The following PIEZO2 variants were observed in gnomAD, a reference collection of about 807,000 sequenced individuals.
PIEZO2 encodes the protein piezo type mechanosensitive ion channel component 2, also known as piezo-type mechanosensitive ion channel component 2.
PIEZO2 carries 172 observed loss-of-function variants against 337.3 expected under a neutral mutation model. The ratio of observed to expected loss-of-function variants is 0.51; its 90% CI spans 0.45 to 0.58. PIEZO2 has a LOEUF of 0.58. Among genes scored for constraint, PIEZO2 ranks in the 20% least tolerant of loss-of-function variants. PIEZO2 has a pLI of 0.00. For missense variants in PIEZO2, 3,028 were observed against 3,391.3 expected (o/e 0.89, Z 2.66); for synonymous variants, 1,251 against 1,228.5 (o/e 1.02, Z -0.38).
chr18:11,115,592 C>A (rs2039864723), intron 1 of PIEZO2, among the ~76,000 whole-genome samples: 1 of 152,086 alleles, frequency 6.6e-6, no homozygotes, highest in Non-Finnish European at 1.5e-5. Flanking sequence ...GAGAAGAATG[C>A]AGAATTTCAC....
intron 13 of PIEZO2, chr18:10,791,529 T>C (rs1364594496): frequency 1.6e-5 from 7 of 437,862 alleles, no homozygotes; most frequent in African/African-American, 4.2e-5. Flanking sequence ...CATGTTTGTG[T>C]TGGGTGCCAG....
At chr18:10,689,618 A>G in intron 49 of PIEZO2, 37 bp downstream of exon 49, 1 of 1,613,702 alleles carries the variant, frequency 6.2e-7, no homozygotes, top group Non-Finnish European at 8.5e-7. Context: ...ATCTAAGAGA[A>G]GCAGACAGGA....
In PIEZO2 at chr18:10,903,891, C is replaced by T. The variant is rs1322295036; in HGVS notation, c.329+7295G>A. Reference sequence around the variant, plus strand: ...GACAACTCCCATCCCTGTCCCCCAACTATGCAGCCAGGCCTTGCCTCAACC... The same window carrying T: ...GACAACTCCCATCCCTGTCCCCCAATTATGCAGCCAGGCCTTGCCTCAACC... On this transcript the variant is annotated intron_variant, in intron 4 of 55. Coordinates refer to ENST00000674853, the MANE Select transcript of PIEZO2 (RefSeq NM_001378183.1). The surrounding 1 kb of genome is among the most constrained non-coding windows in gnomAD (Gnocchi z 4.1). Among the ~76,000 whole-genome samples, 2 of 152,194 alleles carry T rather than the reference C, an allele frequency of 1.3e-5. No individual in the cohort carries two copies. The highest frequency in any genetic ancestry group is 2.9e-5 in the Non-Finnish European group (2 of 68,038).
chr18:10,879,746 C>T (rs914423513), intron 4 of PIEZO2, among the ~76,000 whole-genome samples: 1 of 152,104 alleles, frequency 6.6e-6, no homozygotes, highest in African/African-American at 2.4e-5. Context: ...AGTGATTATA[C>T]CCCTTGAAAG....
At chr18:11,055,210 C>CAAAAAAAA (rs11390110) in intron 2 of PIEZO2, among the ~76,000 whole-genome samples, 1 of 79,846 alleles carries the variant, frequency 1.3e-5, no homozygotes, top group Admixed American at 1.6e-4. Flanking sequence ...GACTCTGTCT[C>CAAAAAAAA]AAAAAAAAAA....
chr18:10,725,015 C>T, intron 36 of PIEZO2: 27 of 1,585,854 alleles, frequency 1.7e-5, no homozygotes, highest in Non-Finnish European at 2.3e-5. Flanking sequence ...GGCCATAGTG[C>T]CAGCAAGAGC....
intron 48 of PIEZO2, among the ~76,000 whole-genome samples, chr18:10,690,256 G>T (rs1474375303): frequency 1.3e-5 from 2 of 152,172 alleles, no homozygotes; most frequent in African/African-American, 4.8e-5. Flanking sequence ...AGGGTGTGAG[G>T]CCCCTCAGCC....
intron 1 of PIEZO2, among the ~76,000 whole-genome samples, chr18:11,071,492 G>A (rs140870413): frequency 2.0e-5 from 3 of 152,332 alleles, no homozygotes; most frequent in African/African-American, 7.2e-5. Context: ...GCCTTTGGGA[G>A]CTGACGTTCT....
chr18:10,724,645 T>C lies in PIEZO2; in HGVS notation c.5030-6386A>G. ...GGTGCTGGACTCGGGGTCTCAGGCG[T>C]ATGATCAGGCACCCACCAGCCCACC... On this transcript the variant is annotated intron_variant, in intron 36 of 55. Transcript: ENST00000674853. This position sits in a 1 kb window ranked among gnomAD's most constrained non-coding sequence, Gnocchi z 5.8. The C allele has an allele frequency of 1.3e-6, 1 of 747,702 alleles. No homozygotes were observed. Among genetic ancestry groups the C allele is most frequent in the Non-Finnish European group, 2.3e-6 (1 of 441,884 alleles). The allele number at this position is 747,702 out of a possible 1,614,324, so 46.3% of individuals were successfully genotyped here. A position where few individuals can be genotyped will look rare whatever the true frequency, so the allele number is the denominator to read the frequency against.
At chr18:10,760,584 C>T (rs1213539441) in intron 24 of PIEZO2, among the ~76,000 whole-genome samples, 3 of 152,176 alleles carry the variant, frequency 2.0e-5, no homozygotes, top group South Asian at 2.1e-4. Context: ...GGATTACAGG[C>T]GTGAGCCACC....
intron 37 of PIEZO2, among the ~76,000 whole-genome samples, chr18:10,717,587 G>C (rs1190363437): frequency 1.3e-5 from 2 of 152,218 alleles, no homozygotes; most frequent in African/African-American, 4.8e-5. Flanking sequence ...GGAGGCTTTG[G>C]CCTTTTTTTC....
At chr18:10,715,100 A>G (rs534680577) in intron 38 of PIEZO2, among the ~76,000 whole-genome samples, 170 bp from the exon 39 acceptor site, 1 of 152,364 alleles carries the variant, frequency 6.6e-6, no homozygotes, top group African/African-American at 2.4e-5. Flanking sequence ...GTGGTTTCCA[A>G]CATTACTAGG....
At chr18:10,752,121 G>A (rs1307030985) in intron 28 of PIEZO2, among the ~76,000 whole-genome samples, 1 of 152,150 alleles carries the variant, frequency 6.6e-6, no homozygotes, top group Non-Finnish European at 1.5e-5. Flanking sequence ...CATCTTCTGA[G>A]TACATAAAAC....
At chr18:10,674,718 G>A (rs1246030067) in intron 54 of PIEZO2, among the ~76,000 whole-genome samples, 1 of 152,232 alleles carries the variant, frequency 6.6e-6, no homozygotes, top group Non-Finnish European at 1.5e-5. Context: ...AGCAATTCTT[G>A]ATAATTAATA....
chr18:10,995,825 C>A (rs2035302030), intron 2 of PIEZO2, among the ~76,000 whole-genome samples: 1 of 152,058 alleles, frequency 6.6e-6, no homozygotes, highest in Non-Finnish European at 1.5e-5. Flanking sequence ...GCCCTGGACT[C>A]AGGACAGTTA....
chr18:10,681,803 C>A (rs1344635585), intron 50 of PIEZO2, 50 bp from the exon 51 acceptor site: 2 of 1,433,042 alleles, frequency 1.4e-6, no homozygotes, highest in Non-Finnish European at 2.0e-6. Flanking sequence ...CTCTTCTCTG[C>A]ATCCTGAGTC....
In PIEZO2 at chr18:10,670,905, TTAG is replaced by T. The variant is rs2033742084; in HGVS notation, c.*619_*621del. On this transcript the variant is annotated 3_prime_UTR_variant, in exon 56 of 56. Transcript: ENST00000674853. ...TGGTGTTTAATGGAAAGGTATCCTA[TTAG>T]TCCTTGGTTAAGATAAGGCAGTAAG... is the stretch of plus-strand genomic sequence containing the variant. 1 of 152,562 alleles carries T rather than the reference TTAG, an allele frequency of 6.6e-6. No individual in the cohort carries two copies. The highest frequency in any genetic ancestry group is 2.4e-5 in the African/African-American group (1 of 41,406). The allele number at this position is 152,562 out of a possible 1,614,324, so 9.5% of individuals were successfully genotyped here.
At position 10,855,397 on chromosome 18, in the gene PIEZO2, G is replaced by C. The variant is rs779759748; in HGVS notation, c.873C>G (p.Phe291Leu). The change falls in exon 7 of 56, where the codon TTC becomes TTG. Residue 291 changes from phenylalanine (F) to leucine (L), a missense_variant. Phe to Leu is a conservative substitution (Grantham distance 22). Coordinates refer to ENST00000674853, the MANE Select transcript of PIEZO2 (RefSeq NM_001378183.1). The surrounding 1 kb of genome is among the most constrained non-coding windows in gnomAD (Gnocchi z 4.9). ...GHLIGLYLYQ[F>L]QFFQEAVPPN... ...GTGGAACTGCCTCTTGAAAGAATTGGAACTGGTATAAATAAAGTCCAATCA... is the reference window on the plus strand; with the variant it reads ...GTGGAACTGCCTCTTGAAAGAATTGCAACTGGTATAAATAAAGTCCAATCA... 35 of 1,537,052 alleles carry C rather than the reference G, an allele frequency of 2.3e-5. No homozygotes were observed. In the South Asian group the frequency reaches 4.0e-4, roughly 18 times the overall value.
chr18:10,862,626 T>C lies in PIEZO2; in HGVS notation c.493-5415A>G, dbSNP rs374069985. The stretch of plus-strand genomic sequence containing the variant: ...CAAGCACTCTAAAAATCCAACTGGG[T>C]TGGAATAAATCCTAAGGATCACCTG... On this transcript the variant is annotated intron_variant, in intron 5 of 55. Transcript: ENST00000674853. This position sits in a 1 kb window ranked among gnomAD's most constrained non-coding sequence, Gnocchi z 4.4. 1.3e-5 allele frequency among the ~76,000 whole-genome samples: 2 copies of C among 152,206 alleles called. No homozygotes were observed. Among genetic ancestry groups the C allele is most frequent in the South Asian group, 2.1e-4 (1 of 4,828 alleles).
Sources: allele counts gnomAD v4.1 joint callset (sites outside exome capture counted in the v4.1 genomes callset), GRCh38; gene constraint gnomAD v4.1.1; non-coding constraint Gnocchi (gnomAD v3.1); transcripts MANE v1.5; gene names NCBI Gene and HGNC (gene_info 2026-07-23, HGNC 2026-07-21).